Variants in POLR1A observed in about 807,000 individuals in gnomAD.
POLR1A encodes the protein DNA-directed RNA polymerase I subunit RPA1.
POLR1A carries 84 observed loss-of-function variants against 205.3 expected under a neutral mutation model. That is an observed-to-expected ratio of 0.41 (90% CI 0.34 to 0.49). POLR1A has a LOEUF of 0.49. Ranked by LOEUF, POLR1A falls within the 20% of genes least tolerant of loss-of-function variation. The pLI, the probability that POLR1A is intolerant of heterozygous loss-of-function variation, is 0.22. For missense variants in POLR1A, 1,645 were observed against 2,204.5 expected, an observed-to-expected ratio of 0.75 and a Z score of 5.08; for synonymous variants, 799 against 863.7, an observed-to-expected ratio of 0.93 and a Z score of 1.31.
chr2:86,039,643 C>A (rs2104387491), intron 25 of POLR1A, among the ~76,000 whole-genome samples, 181 bp from the exon 26 acceptor site: 1 of 152,182 alleles, frequency 6.6e-6, no homozygotes, highest in East Asian at 1.9e-4. Flanking sequence ...GTAAGGGACT[C>A]CCCTGTCAGT....
At position 86,075,155 on chromosome 2, in the gene POLR1A, T is replaced by A. The variant is rs777971983; in HGVS notation, c.1486A>T (p.Met496Leu). 1 of 1,613,562 alleles carries A rather than the reference T, an allele frequency of 6.2e-7. No individual in the cohort carries two copies. Among genetic ancestry groups the A allele is most frequent in the Non-Finnish European group, 8.5e-7 (1 of 1,179,796 alleles). ...NGPNVHPGAS[M>L]VINEDGSRTA... ...CGGCTGCCGTCCTCATTGATGACCATGGAGGCTCCTGGGTGCACATTAGGG... is the reference window on the plus strand; with the variant it reads ...CGGCTGCCGTCCTCATTGATGACCAAGGAGGCTCCTGGGTGCACATTAGGG... The change falls in exon 12 of 34, where the codon ATG becomes TTG. Residue 496 changes from methionine to leucine, a missense_variant. By Grantham distance (15) the Met-to-Leu change is conservative (BLOSUM62 2). This residue lies in a region of POLR1A where 131 missense variants were observed against 214.5 expected (regional missense o/e 0.61). Coordinates refer to ENST00000263857, the MANE Select transcript of POLR1A (RefSeq NM_015425.6).
chr2:86,086,676 C>A (rs1481037697), intron 6 of POLR1A, among the ~76,000 whole-genome samples: 1 of 151,918 alleles, frequency 6.6e-6, no homozygotes, highest in African/African-American at 2.4e-5. Flanking sequence ...AATGCACAGA[C>A]TTTTGGTTGC....
chr2:86,050,498 G>A (rs370971715), intron 16 of POLR1A, among the ~76,000 whole-genome samples: 1 of 152,074 alleles, frequency 6.6e-6, no homozygotes, highest in Non-Finnish European at 1.5e-5. Flanking sequence ...TAGCTGAGAC[G>A]GGCTGGAGTG....
At chr2:86,057,701 A>T (rs960929570) in intron 14 of POLR1A, among the ~76,000 whole-genome samples, 3 of 152,210 alleles carry the variant, frequency 2.0e-5, no homozygotes, top group African/African-American at 7.2e-5. Flanking sequence ...TAAGTCATAA[A>T]AGGCTACATA....
At chr2:86,084,842 T>C (rs1295684250) in intron 6 of POLR1A, among the ~76,000 whole-genome samples, 1 of 152,176 alleles carries the variant, frequency 6.6e-6, no homozygotes, top group Non-Finnish European at 1.5e-5. Flanking sequence ...AGCTAGTTTC[T>C]TTAAAATCTG....
intron 27 of POLR1A, among the ~76,000 whole-genome samples, chr2:86,035,060 G>T (rs1043783547): frequency 6.6e-6 from 1 of 152,132 alleles, no homozygotes; most frequent in African/African-American, 2.4e-5. Context: ...TAGTAGAAAC[G>T]GGGTTTCACC....
Position 86,038,785 on chromosome 2 carries a change from G to C in POLR1A, c.3949C>G (p.Leu1317Val). ...EKQNKFQVYQ[L>V]RFQFLPHAYY... ...GCATGTGGCAGGAACTGAAACCGCA[G>C]CTGGTACACCTGGAATTTGTTCTGT... The change falls in exon 27 of 34, where the codon CTG becomes GTG. Residue 1317 changes from leucine to valine, a missense_variant. Physicochemically the swap from Leu to Val is conservative, Grantham distance 32. Coordinates refer to ENST00000263857, the MANE Select transcript of POLR1A (RefSeq NM_015425.6). 1 of 1,613,950 alleles carries C rather than the reference G, an allele frequency of 6.2e-7. No homozygotes were observed. The highest frequency in any genetic ancestry group is 8.5e-7 in the Non-Finnish European group (1 of 1,179,834).
At chr2:86,072,159 T>A (rs1673189631) in intron 12 of POLR1A, among the ~76,000 whole-genome samples, 1 of 152,230 alleles carries the variant, frequency 6.6e-6, no homozygotes, top group South Asian at 2.1e-4. Context: ...AACCCTCAAG[T>A]GCTACAAAGC....
intron 24 of POLR1A, among the ~76,000 whole-genome samples, chr2:86,041,182 T>C (rs1281119827): frequency 5.6e-5 from 6 of 106,700 alleles, no homozygotes; most frequent in African/African-American, 1.9e-4. Flanking sequence ...TGTGTGTGTG[T>C]GTGTGTGTGC....
At chr2:86,063,904 T>C (rs1200794439) in intron 14 of POLR1A, among the ~76,000 whole-genome samples, 1 of 152,250 alleles carries the variant, frequency 6.6e-6, no homozygotes, top group Non-Finnish European at 1.5e-5. Flanking sequence ...TTTCATTTCA[T>C]CTACTTCAGA....
intron 16 of POLR1A, 92 bp downstream of exon 16, chr2:86,052,725 G>C (rs1194551046): frequency 9.5e-7 from 1 of 1,051,892 alleles, no homozygotes; most frequent in African/African-American, 1.6e-5. Flanking sequence ...GAAATCTTCA[G>C]TGTGGACGGC....
chr2:86,098,794 A>G (rs1371052484), intron 2 of POLR1A, 34 bp from the exon 3 acceptor site: 1 of 1,607,438 alleles, frequency 6.2e-7, no homozygotes, highest in Non-Finnish European at 8.5e-7. Flanking sequence ...ACAGGATATT[A>G]GAAAGAGACA....
At chr2:86,037,520 C>T (rs371572697) in intron 27 of POLR1A, among the ~76,000 whole-genome samples, 3 of 152,250 alleles carry the variant, frequency 2.0e-5, no homozygotes, top group East Asian at 1.9e-4. Context: ...GACTCAGCGA[C>T]GAATGGGCAT....
At position 86,075,089 on chromosome 2, in the gene POLR1A, C is replaced by A. The variant is rs780248678; in HGVS notation, c.1552G>T (p.Val518Leu). 2.5e-6 allele frequency: 4 copies of A among 1,612,428 alleles called. No homozygotes were observed. Among genetic ancestry groups the A allele is most frequent in the Non-Finnish European group, 3.4e-6 (4 of 1,179,918 alleles). Residue 518 changes from valine to leucine, a missense_variant, in exon 12 of 34, where the codon GTG becomes TTG. Physicochemically the swap from Val to Leu is conservative, Grantham distance 32. This residue lies in a region of POLR1A where 131 missense variants were observed against 214.5 expected (regional missense o/e 0.61). Coordinates refer to ENST00000263857, the MANE Select transcript of POLR1A (RefSeq NM_015425.6). Reference protein sequence around the residue: ...SAVDMTQREAVAKQLLTPATG... With the variant: ...SAVDMTQREALAKQLLTPATG... The stretch of plus-strand genomic sequence containing the variant: ...GCTGGGGTCAGAAGCTGCTTGGCCA[C>A]GGCCTCTCGCTGGGTCATGTCCACA...
At chr2:86,092,357 G>T (rs1673622238) in intron 3 of POLR1A, among the ~76,000 whole-genome samples, 1 of 152,174 alleles carries the variant, frequency 6.6e-6, no homozygotes, top group Admixed American at 6.5e-5. Flanking sequence ...TAGGCCAGGG[G>T]GGCTCCCATA....
At chr2:86,033,606 C>G in intron 28 of POLR1A, 55 bp downstream of exon 28, 1 of 1,588,578 alleles carries the variant, frequency 6.3e-7, no homozygotes, top group African/African-American at 1.3e-5. Context: ...ACAGAGCCTG[C>G]CCAGTCTGGG....
intron 7 of POLR1A, among the ~76,000 whole-genome samples, chr2:86,082,084 C>A (rs1673414523): frequency 6.6e-6 from 1 of 152,096 alleles, no homozygotes; most frequent in African/African-American, 2.4e-5. Context: ...GATCCACCTG[C>A]CTCAGCCTCC....
rs1672829046 is a variant in POLR1A at position 86,052,859 on chromosome 2, G to A, written c.2350C>T (p.Leu784Phe). The A allele has an allele frequency of 6.3e-7, 1 of 1,590,482 alleles. No individual in the cohort carries two copies. Among genetic ancestry groups the A allele is most frequent in the Non-Finnish European group, 8.6e-7 (1 of 1,167,694 alleles). The part of the protein sequence containing the change: ...SGKVLTCLAR[L>F]FTAYLQLYRG... ...TAGAGCTGCAGGTAGGCGGTGAAGA[G>A]GCGGGCCAGGCAGGTTAGAACCTTG... is the stretch of plus-strand genomic sequence containing the variant. The change falls in exon 16 of 34, where the codon CTC (leucine) becomes TTC (phenylalanine). Residue 784 changes from leucine to phenylalanine, a missense_variant. Leu to Phe is a conservative substitution (Grantham distance 22, BLOSUM62 0). This residue lies in a region of POLR1A where 339 missense variants were observed against 415.1 expected (regional missense o/e 0.82). Coordinates refer to ENST00000263857, the MANE Select transcript of POLR1A (RefSeq NM_015425.6).
chr2:86,079,635 T>C (rs1199967580), intron 9 of POLR1A, among the ~76,000 whole-genome samples: 1 of 152,056 alleles, frequency 6.6e-6, no homozygotes, highest in African/African-American at 2.4e-5. Flanking sequence ...CGATCACAGC[T>C]CTCTGCAGCC....
Sources: gnomAD v4.1 joint callset for allele counts (sites outside exome capture counted in the v4.1 genomes callset) on GRCh38, gnomAD v4.1.1 for gene constraint, gnomAD v4.1.1 regional missense constraint, MANE v1.5 for transcripts, NCBI Gene and HGNC (gene_info 2026-07-23, HGNC 2026-07-21) for gene names.